The following NDST3 variants were observed in gnomAD, a reference collection of about 807,000 sequenced individuals.
NDST3 encodes the protein bifunctional heparan sulfate N-deacetylase/N-sulfotransferase 3.
In NDST3, 58 loss-of-function variants were observed where a neutral mutation model predicts 96.1. The ratio of observed to expected loss-of-function variants is 0.60; its 90% CI spans 0.49 to 0.75. NDST3 has a LOEUF of 0.75. Among genes scored for constraint, NDST3 ranks in the 30% least tolerant of loss-of-function variants. NDST3 has a pLI of 0.00. For missense variants in NDST3, 788 were observed against 1,034.2 expected (o/e 0.76, Z 3.27); for synonymous variants, 333 against 359.7 (o/e 0.93, Z 0.84).
At chr4:118,071,917 G>C (rs541269093) in intron 2 of NDST3, among the ~76,000 whole-genome samples, 1 of 152,058 alleles carries the variant, frequency 6.6e-6, no homozygotes, top group African/African-American at 2.4e-5. Flanking sequence ...TCTTTTATTT[G>C]TTGACTTTTT....
intron 6 of NDST3, among the ~76,000 whole-genome samples, chr4:118,207,689 A>G (rs1474682185): frequency 6.9e-6 from 1 of 145,060 alleles, no homozygotes; most frequent in East Asian, 2.0e-4. Context: ...TTCCCTAACA[A>G]GGTGAATTTT....
chr4:118,126,170 G>C lies in NDST3; in HGVS notation c.1224+11210G>C, dbSNP rs559514024. ...CAAATTCAAATAATTATATAATTTT[G>C]ACTATAATCATCCTGTTGTGCTATC... On this transcript the variant is annotated intron_variant, in intron 4 of 13. Coordinates refer to ENST00000296499, the MANE Select transcript of NDST3 (RefSeq NM_004784.3). Among the ~76,000 whole-genome samples, 5 of 152,000 alleles carry C rather than the reference G, an allele frequency of 3.3e-5. No homozygotes were observed. The South Asian group carries it at 1.0e-3, about 32-fold the overall frequency.
chr4:118,194,404 G>A, intron 6 of NDST3: 1 of 734,750 alleles, frequency 1.4e-6, no homozygotes, highest in South Asian at 1.4e-5. Context: ...TTGGAGGACT[G>A]CCTGCTGCAC....
At chr4:118,255,213 G>A (rs935153917) in intron 13 of NDST3, among the ~76,000 whole-genome samples, 1 of 152,132 alleles carries the variant, frequency 6.6e-6, no homozygotes, top group Non-Finnish European at 1.5e-5. Context: ...AACTTTTCAG[G>A]ATATCCTTCC....
chr4:118,253,760 A>G (rs1217208399), intron 13 of NDST3, among the ~76,000 whole-genome samples, 159 bp downstream of exon 13: 1 of 152,212 alleles, frequency 6.6e-6, no homozygotes, highest in Non-Finnish European at 1.5e-5. Context: ...ATTTTGATTT[A>G]CCCACAATAT....
chr4:118,189,212 G>C (rs957753444), intron 6 of NDST3, among the ~76,000 whole-genome samples: 13 of 152,000 alleles, frequency 8.6e-5, no homozygotes, highest in Non-Finnish European at 2.9e-5. Flanking sequence ...AGCATGCCTG[G>C]CTAAGTTTTT....
intron 11 of NDST3, among the ~76,000 whole-genome samples, 175 bp downstream of exon 11, chr4:118,240,869 A>C (rs563584697): frequency 6.6e-6 from 1 of 152,342 alleles, no homozygotes; most frequent in African/African-American, 2.4e-5. Context: ...TAATTTTCTA[A>C]GAGTATTTCA....
chr4:118,250,090 T>C (rs1741588246), intron 12 of NDST3, among the ~76,000 whole-genome samples: 1 of 152,196 alleles, frequency 6.6e-6, no homozygotes, highest in Non-Finnish European at 1.5e-5. Flanking sequence ...GTACCACAAT[T>C]TGTTTATCCT....
At chr4:118,162,099 G>C (rs892676179) in intron 6 of NDST3, among the ~76,000 whole-genome samples, 1 of 152,178 alleles carries the variant, frequency 6.6e-6, no homozygotes, top group South Asian at 2.1e-4. Flanking sequence ...TGAAATAAAA[G>C]AGGATACAAA....
intron 6 of NDST3, among the ~76,000 whole-genome samples, chr4:118,190,852 T>C (rs10007553): frequency 0.012 from 1,804 of 152,326 alleles, 33 homozygotes; most frequent in African/African-American, 0.041. Context: ...TATCAAATTA[T>C]ATTCAATTGT....
At chr4:118,139,161 A>G (rs1733364686) in intron 5 of NDST3, among the ~76,000 whole-genome samples, 1 of 152,162 alleles carries the variant, frequency 6.6e-6, no homozygotes, top group Non-Finnish European at 1.5e-5. Flanking sequence ...AACTGTTGTA[A>G]ATGCTAGACG....
chr4:118,135,547 G>A (rs1303611984), intron 4 of NDST3, among the ~76,000 whole-genome samples: 1 of 152,120 alleles, frequency 6.6e-6, no homozygotes, highest in Non-Finnish European at 1.5e-5. Flanking sequence ...ACCCCTTTGA[G>A]GTAATGCCCT....
chr4:118,133,942 A>G (rs907207197), intron 4 of NDST3, among the ~76,000 whole-genome samples: 1 of 152,224 alleles, frequency 6.6e-6, no homozygotes, highest in Admixed American at 6.5e-5. Flanking sequence ...AATGAAAAAG[A>G]GAGATATTAC....
intron 8 of NDST3, among the ~76,000 whole-genome samples, chr4:118,228,436 T>C (rs540817309): frequency 4.6e-5 from 7 of 152,224 alleles, no homozygotes; most frequent in Non-Finnish European, 8.8e-5. Flanking sequence ...GACATTTTGA[T>C]ATCATGGTTA....
Position 118,054,690 on chromosome 4 carries a change from C to A in NDST3, c.780C>A (p.Asp260Glu), listed in dbSNP as rs781485238. The A allele has an allele frequency of 1.1e-5, 17 of 1,613,188 alleles. No individual in the cohort carries two copies. The highest frequency in any genetic ancestry group is 1.4e-5 in the Non-Finnish European group (17 of 1,179,490). ...CTTTTTATGCCACTATTATACATGACCTGGGGCTTCATGATGGAATTCAAA... is the reference window on the plus strand; with the variant it reads ...CTTTTTATGCCACTATTATACATGAACTGGGGCTTCATGATGGAATTCAAA... ...KGAFYATIIH[D>E]LGLHDGIQRV... Residue 260 changes from aspartate to glutamate, a missense_variant, in exon 2 of 14, where the codon GAC becomes GAA. Physicochemically the swap from Asp to Glu is conservative, Grantham distance 45 (BLOSUM62 2). Transcript: ENST00000296499.
intron 6 of NDST3, among the ~76,000 whole-genome samples, chr4:118,212,895 G>C (rs887324458): frequency 6.6e-6 from 1 of 151,974 alleles, no homozygotes; most frequent in African/African-American, 2.4e-5. Flanking sequence ...GTATTTCTTG[G>C]GTACTTAACT....
chr4:118,049,811 A>G (rs926249757), intron 1 of NDST3, among the ~76,000 whole-genome samples: 8 of 152,030 alleles, frequency 5.3e-5, no homozygotes, highest in African/African-American at 1.9e-4. Context: ...ACATACTAAA[A>G]TGAACTGGTA....
At chr4:118,204,366 C>G (rs1738303595) in intron 6 of NDST3, among the ~76,000 whole-genome samples, 1 of 123,204 alleles carries the variant, frequency 8.1e-6, no homozygotes. Flanking sequence ...AATCTGGCAT[C>G]TGGCAGCCTC....
chr4:118,140,505 T>G lies in NDST3; in HGVS notation c.1410+2266T>G, dbSNP rs536193068. Among the ~76,000 whole-genome samples, 4 of 152,268 alleles carry G rather than the reference T, an allele frequency of 2.6e-5. No individual in the cohort carries two copies. The South Asian group carries it at 8.3e-4, about 32-fold the overall frequency. ...TGATGGAAACCAGCACTCTCTACTC[T>G]AATCTCTGGTTGTTGAATATGACTC... is the stretch of plus-strand genomic sequence containing the variant. On this transcript the variant is annotated intron_variant, in intron 5 of 13. Transcript: ENST00000296499.
Sources: allele counts gnomAD v4.1 joint callset (sites outside exome capture counted in the v4.1 genomes callset), GRCh38; gene constraint gnomAD v4.1.1; transcripts MANE v1.5; gene names NCBI Gene and HGNC (gene_info 2026-07-23, HGNC 2026-07-21).